The following CRB1 variants were observed in gnomAD, a reference collection of about 807,000 sequenced individuals.
CRB1 encodes protein crumbs homolog 1.
Under a neutral mutation model 120.0 loss-of-function variants are expected in CRB1, and 83 were observed. The observed-to-expected ratio is 0.69, with a 90% confidence interval of 0.58 to 0.83. The LOEUF (loss-of-function observed/expected upper bound fraction) is 0.83, where lower values mean the gene tolerates loss of function less well. Ranked by LOEUF, CRB1 falls within the 40% of genes least tolerant of loss-of-function variation. The probability of loss-of-function intolerance (pLI) is 0.00; values close to 1 mark genes in which losing one functional copy is unlikely to be tolerated. For missense variants in CRB1, 1,699 were observed against 1,687.6 expected, an observed-to-expected ratio of 1.01 and a Z score of -0.12; for synonymous variants, 625 against 612.5, an observed-to-expected ratio of 1.02 and a Z score of -0.30.
chr1:197,352,468 C>A (rs181803341), intron 4 of CRB1, among the ~76,000 whole-genome samples: 3 of 152,224 alleles, frequency 2.0e-5, no homozygotes, highest in East Asian at 3.9e-4. Context: ...TGAAAATAGT[C>A]CAGCCTTTCT....
chr1:197,269,257 A>G (rs960190912), intron 1 of CRB1, among the ~76,000 whole-genome samples: 3 of 152,204 alleles, frequency 2.0e-5, no homozygotes, highest in Non-Finnish European at 2.9e-5. Context: ...CTGAATATCA[A>G]TAAGGCAAAG....
the CRB1 span, chr1:197,222,856 T>A: frequency 6.6e-7 from 1 of 1,512,458 alleles, no homozygotes; most frequent in Non-Finnish European, 9.2e-7. Flanking sequence ...TCACTGGAGC[T>A]GGCAGGTTTG....
intron 1 of CRB1, among the ~76,000 whole-genome samples, chr1:197,298,428 T>A (rs28483188): frequency 6.6e-6 from 1 of 151,972 alleles, no homozygotes; most frequent in African/African-American, 2.4e-5. Context: ...GATGAAAAAG[T>A]GGGGTAAGAG....
chr1:197,424,452 T>A (rs538460583), intron 6 of CRB1, among the ~76,000 whole-genome samples: 1 of 152,268 alleles, frequency 6.6e-6, no homozygotes, highest in South Asian at 2.1e-4. Context: ...ATCCTGTTTC[T>A]TCTAATGTTT....
At chr1:197,203,157 AAC>A in the CRB1 span, among the ~76,000 whole-genome samples, 108 of 152,342 alleles carry the variant, frequency 7.1e-4, no homozygotes, top group African/African-American at 2.4e-3. Flanking sequence ...TGATAAATTT[AAC>A]ACATGATTTT....
the CRB1 span, chr1:197,223,118 A>T: frequency 1.2e-6 from 1 of 849,626 alleles, no homozygotes; most frequent in Admixed American, 1.7e-5. Context: ...ATATTCAGTG[A>T]TTTTCAACAT....
chr1:197,460,654 T>C (rs1000775642), intron 11 of CRB1, among the ~76,000 whole-genome samples: 2 of 152,272 alleles, frequency 1.3e-5, no homozygotes, highest in Non-Finnish European at 2.9e-5. Flanking sequence ...AGTGACTTAC[T>C]TGGGGTCACA....
chr1:197,307,432 T>A (rs1571808721), intron 1 of CRB1, among the ~76,000 whole-genome samples: 1 of 152,186 alleles, frequency 6.6e-6, no homozygotes, highest in Non-Finnish European at 1.5e-5. Flanking sequence ...ATGCAAAGGC[T>A]TTTGGGATGA....
intron 5 of CRB1, among the ~76,000 whole-genome samples, chr1:197,388,104 A>G (rs945083972): frequency 6.6e-6 from 1 of 151,982 alleles, no homozygotes; most frequent in East Asian, 1.9e-4. Context: ...GATTTGCTTT[A>G]TTATCCCCTA....
intron 1 of CRB1, among the ~76,000 whole-genome samples, chr1:197,282,247 A>C (rs1362758015): frequency 2.0e-5 from 3 of 151,762 alleles, no homozygotes; most frequent in Non-Finnish European, 2.9e-5. Flanking sequence ...GAAGATAAAG[A>C]GTTGGGTCCT....
intron 1 of CRB1, among the ~76,000 whole-genome samples, chr1:197,274,254 C>T (rs552206152): frequency 6.6e-6 from 1 of 152,186 alleles, no homozygotes; most frequent in African/African-American, 2.4e-5. Context: ...AACCCATACT[C>T]CTATGGGAAA....
chr1:197,239,849 T>A, the CRB1 span, among the ~76,000 whole-genome samples: 23 of 149,502 alleles, frequency 1.5e-4, no homozygotes, highest in Non-Finnish European at 1.9e-4. Flanking sequence ...TTTTGATGGT[T>A]GCTCTAGATA....
the CRB1 span, among the ~76,000 whole-genome samples, chr1:197,252,613 T>TGA: frequency 7.2e-5 from 8 of 111,160 alleles, no homozygotes; most frequent in African/African-American, 2.5e-4. Flanking sequence ...TGTGTGTGTG[T>TGA]GATATATATA....
At chr1:197,414,639 A>G (rs954412931) in intron 5 of CRB1, among the ~76,000 whole-genome samples, 24 of 152,172 alleles carry the variant, frequency 1.6e-4, no homozygotes, top group Non-Finnish European at 3.4e-4. Context: ...CCCATACTAT[A>G]AATAATTGCA....
intron 11 of CRB1, 131 bp downstream of exon 11, chr1:197,442,423 C>T (rs1012161181): frequency 1.9e-6 from 3 of 1,593,202 alleles, no homozygotes; most frequent in East Asian, 2.2e-5. Context: ...TATTAACATA[C>T]ATTTGAACAT....
chr1:197,414,869 G>C (rs187520000), intron 5 of CRB1, among the ~76,000 whole-genome samples: 1 of 152,000 alleles, frequency 6.6e-6, no homozygotes, highest in East Asian at 1.9e-4. Flanking sequence ...ATTTTACATT[G>C]GACATGTCAA....
chr1:197,339,498 G>A (rs1345502406), intron 2 of CRB1, among the ~76,000 whole-genome samples: 2 of 152,124 alleles, frequency 1.3e-5, no homozygotes, highest in Non-Finnish European at 2.9e-5. Flanking sequence ...TACATTGAAT[G>A]GAATTTGAAA....
chr1:197,281,242 G>A (rs1023266797), intron 1 of CRB1, among the ~76,000 whole-genome samples: 4 of 151,886 alleles, frequency 2.6e-5, no homozygotes, highest in African/African-American at 9.7e-5. Flanking sequence ...GCAGTGGGGA[G>A]CGATGTGAGA....
At chr1:197,290,610 C>A (rs977869976) in intron 1 of CRB1, among the ~76,000 whole-genome samples, 2 of 151,662 alleles carry the variant, frequency 1.3e-5, no homozygotes, top group African/African-American at 4.8e-5. Flanking sequence ...GTATGAACGT[C>A]CATTGAGTGT....
Sources: gnomAD v4.1 joint callset for allele counts (sites outside exome capture counted in the v4.1 genomes callset) on GRCh38, gnomAD v4.1.1 for gene constraint, MANE v1.5 for transcripts, NCBI Gene and HGNC (gene_info 2026-07-23, HGNC 2026-07-21) for gene names.